Variants in ADGRB3 observed in about 807,000 individuals in gnomAD.
The protein encoded by ADGRB3 is adhesion G protein-coupled receptor B3.
Under a neutral mutation model 193.4 loss-of-function variants are expected in ADGRB3, and 37 were observed. That is an observed-to-expected ratio of 0.19 (90% CI 0.15 to 0.25). The LOEUF (loss-of-function observed/expected upper bound fraction) is 0.25, where lower values mean the gene tolerates loss of function less well. Ranked by LOEUF, ADGRB3 falls within the 10% of genes least tolerant of loss-of-function variation. ADGRB3 has a pLI of 1.00. For missense variants in ADGRB3, 1,637 were observed against 1,852.9 expected (o/e 0.88, Z 2.14); for synonymous variants, 690 against 644.2 (o/e 1.07, Z -1.08).
intron 30 of ADGRB3, among the ~76,000 whole-genome samples, chr6:69,379,060 T>C (rs1263233218): frequency 1.3e-5 from 2 of 152,034 alleles, no homozygotes; most frequent in East Asian, 3.9e-4. Flanking sequence ...TGGGGATTCA[T>C]ATACAGCTTC....
intron 8 of ADGRB3, among the ~76,000 whole-genome samples, chr6:68,959,935 C>T (rs1308401367): frequency 6.6e-6 from 1 of 151,990 alleles, no homozygotes; most frequent in African/African-American, 2.4e-5. Context: ...GGTAATAGCT[C>T]CCCTAATTTT....
At chr6:68,768,272 G>T (rs36141634) in intron 3 of ADGRB3, among the ~76,000 whole-genome samples, 2 of 151,998 alleles carry the variant, frequency 1.3e-5, no homozygotes, top group South Asian at 2.1e-4. Flanking sequence ...GAGGCATCAC[G>T]CAACCTGACT....
intron 17 of ADGRB3, among the ~76,000 whole-genome samples, chr6:69,177,290 C>G (rs1775453367): frequency 1.3e-5 from 2 of 152,140 alleles, no homozygotes; most frequent in Non-Finnish European, 2.9e-5. Flanking sequence ...GCTCTTAATA[C>G]TGCTTTTGCT....
At chr6:68,684,186 A>G (rs1764944252) in intron 3 of ADGRB3, among the ~76,000 whole-genome samples, 1 of 152,138 alleles carries the variant, frequency 6.6e-6, no homozygotes, top group Non-Finnish European at 1.5e-5. Flanking sequence ...ATGTTCCTGT[A>G]TAGTCTTGAT....
chr6:68,765,590 G>T (rs1582182501), intron 3 of ADGRB3, among the ~76,000 whole-genome samples: 1 of 144,590 alleles, frequency 6.9e-6, no homozygotes, highest in East Asian at 2.1e-4. Context: ...GGAGCAGAGG[G>T]TTAATTATGC....
chr6:68,692,479 C>T (rs533853710), intron 3 of ADGRB3, among the ~76,000 whole-genome samples: 2 of 151,784 alleles, frequency 1.3e-5, no homozygotes, highest in South Asian at 2.1e-4. Flanking sequence ...TAATTTTTTC[C>T]CTAATTTTAA....
intron 6 of ADGRB3, among the ~76,000 whole-genome samples, chr6:68,948,804 T>C (rs1489522334): frequency 6.6e-6 from 1 of 152,146 alleles, no homozygotes; most frequent in Non-Finnish European, 1.5e-5. Flanking sequence ...ATGAAAGTTC[T>C]ATTGGTAAAT....
At chr6:69,009,823 G>A (rs780523837) in intron 11 of ADGRB3, among the ~76,000 whole-genome samples, 1 of 152,028 alleles carries the variant, frequency 6.6e-6, no homozygotes, top group South Asian at 2.1e-4. Flanking sequence ...ATGGAGGAGA[G>A]CACATTTCCT....
In ADGRB3 at chr6:68,741,441, G is replaced by A. The variant is rs116682273; in HGVS notation, c.757+102009G>A. Among the ~76,000 whole-genome samples the A allele has an allele frequency of 2.8e-3, 427 of 152,144 alleles. 5 individuals are homozygous for A. Among genetic ancestry groups the A allele is most frequent in the African/African-American group, 0.01 (418 of 41,498 alleles). On this transcript the variant is annotated intron_variant, in intron 3 of 31. Transcript: ENST00000370598. ...TGCCCAGGCTGGAGTGCAGTGCTGT[G>A]ATCATGCCATCATGGCTCAACTGCA...
At chr6:69,051,201 T>C (rs2150303060) in intron 15 of ADGRB3, among the ~76,000 whole-genome samples, 1 of 152,282 alleles carries the variant, frequency 6.6e-6, no homozygotes, top group African/African-American at 2.4e-5. Flanking sequence ...GATGATTTAA[T>C]GGATATAGTA....
At chr6:69,315,006 A>T (rs897114899) in intron 20 of ADGRB3, among the ~76,000 whole-genome samples, 3 of 151,454 alleles carry the variant, frequency 2.0e-5, no homozygotes, top group African/African-American at 7.3e-5. Flanking sequence ...GAAATGGTGC[A>T]TTTCTCTGTT....
chr6:69,323,264 A>T (rs1469475998), intron 20 of ADGRB3, among the ~76,000 whole-genome samples: 2 of 152,012 alleles, frequency 1.3e-5, no homozygotes, highest in Non-Finnish European at 2.9e-5. Context: ...AAGGGTAACT[A>T]ATGACTTAGA....
chr6:69,322,596 T>C (rs764720798), intron 20 of ADGRB3, among the ~76,000 whole-genome samples: 4 of 151,976 alleles, frequency 2.6e-5, no homozygotes, highest in Non-Finnish European at 4.4e-5. Context: ...TCTGCATTTC[T>C]CTTAATGGTC....
chr6:68,974,687 G>T, intron 8 of ADGRB3, 76 bp from the exon 9 acceptor site: 1 of 1,099,274 alleles, frequency 9.1e-7, no homozygotes, highest in African/African-American at 1.6e-5. Flanking sequence ...AGTTAGAGAG[G>T]TGCCTTTGAC....
At chr6:68,795,682 A>T (rs1262044892) in intron 3 of ADGRB3, among the ~76,000 whole-genome samples, 2 of 152,138 alleles carry the variant, frequency 1.3e-5, no homozygotes, top group African/African-American at 4.8e-5. Context: ...AGTCTTTGAA[A>T]AAAGGTTAAG....
intron 3 of ADGRB3, among the ~76,000 whole-genome samples, chr6:68,882,583 G>A (rs1453910120): frequency 6.6e-6 from 1 of 152,030 alleles, no homozygotes; most frequent in Non-Finnish European, 1.5e-5. Flanking sequence ...GTCCTATATA[G>A]TTATCTCTCT....
intron 3 of ADGRB3, among the ~76,000 whole-genome samples, chr6:68,716,080 G>A (rs1044812689): frequency 2.0e-5 from 3 of 151,700 alleles, no homozygotes; most frequent in African/African-American, 7.3e-5. Context: ...CTTCAGCTAT[G>A]TCAAATGAGT....
At chr6:68,942,826 G>A (rs150535481) in intron 5 of ADGRB3, among the ~76,000 whole-genome samples, 21 of 152,232 alleles carry the variant, frequency 1.4e-4, no homozygotes, top group African/African-American at 4.6e-4. Context: ...GGCCAGGCTG[G>A]CCTTGAACTC....
rs75455843 is a variant in ADGRB3 at position 69,064,788 on chromosome 6, G to A, written c.2436+1752G>A. ...TGAAATCATTATTTAGAACTTAAAG[G>A]ACATGTTAAAGGAAGCTTTTTTAAT... is the stretch of plus-strand genomic sequence containing the variant. On this transcript the variant is annotated intron_variant, in intron 16 of 31. Transcript: ENST00000370598. Among the ~76,000 whole-genome samples, 1,379 of 152,034 alleles carry A rather than the reference G, an allele frequency of 9.1e-3. 5 individuals are homozygous for A. The highest frequency in any genetic ancestry group is 0.015 in the Non-Finnish European group (1,052 of 67,956).
Sources: allele counts gnomAD v4.1 joint callset (sites outside exome capture counted in the v4.1 genomes callset), GRCh38; gene constraint gnomAD v4.1.1; transcripts MANE v1.5; gene names NCBI Gene and HGNC (gene_info 2026-07-23, HGNC 2026-07-21).